Variants in N4BP2 observed in about 807,000 individuals in gnomAD.
N4BP2 encodes NEDD4 binding protein 2, also known as NEDD4-binding protein 2.
Under a neutral mutation model 152.8 loss-of-function variants are expected in N4BP2, and 91 were observed. The ratio of observed to expected loss-of-function variants is 0.60; its 90% CI spans 0.50 to 0.71. N4BP2 has a LOEUF of 0.71. Among genes scored for constraint, N4BP2 ranks in the 30% least tolerant of loss-of-function variants. The probability of loss-of-function intolerance (pLI) is 0.00; values close to 1 mark genes in which losing one functional copy is unlikely to be tolerated. For missense variants in N4BP2, 1,923 were observed against 2,059.1 expected (o/e 0.93, Z 1.28); for synonymous variants, 646 against 705.3 (o/e 0.92, Z 1.33).
intron 2 of N4BP2, among the ~76,000 whole-genome samples, chr4:40,084,097 T>C (rs777476470): frequency 1.0e-3 from 154 of 152,190 alleles, no homozygotes; most frequent in Non-Finnish European, 1.9e-3. Context: ...ATTACAGGCA[T>C]GCGCCACCAC....
intron 2 of N4BP2, among the ~76,000 whole-genome samples, chr4:40,084,632 T>TAA (rs1553919456): frequency 5.1e-4 from 44 of 87,000 alleles, no homozygotes; most frequent in Middle Eastern, 5.8e-3. Flanking sequence ...ATATATATAA[T>TAA]TTTTTTTTTT....
In N4BP2 at chr4:40,121,759, G is replaced by C. The variant is rs777145206; in HGVS notation, c.3648G>C (p.Ser1216=). ...CTGTCACTCCTGAAAACCATGAATC[G>C]ATGACAAGTATATTTCCCAGTGCTG... ...MRAVTPENHE[S]MTSIFPSAAV... is the part of the protein sequence containing the mutation. The change falls in exon 9 of 18, where the codon TCG becomes TCC. Residue 1216 remains serine, a synonymous_variant. Coordinates refer to ENST00000261435, the MANE Select transcript of N4BP2 (RefSeq NM_018177.6). The C allele has an allele frequency of 1.2e-6, 2 of 1,613,658 alleles. No individual in the cohort carries two copies. The highest frequency in any genetic ancestry group is 1.7e-6 in the Non-Finnish European group (2 of 1,179,958).
At chr4:40,076,737 C>G (rs974714321) in intron 2 of N4BP2, among the ~76,000 whole-genome samples, 3 of 152,190 alleles carry the variant, frequency 2.0e-5, no homozygotes, top group African/African-American at 2.4e-5. Context: ...GTCCGCCCGC[C>G]TTGGGCTCCC....
At chr4:40,077,455 CT>C (rs34189324) in intron 2 of N4BP2, among the ~76,000 whole-genome samples, 102,928 of 125,596 alleles carry the variant, frequency 0.82, 41,764 homozygotes, top group East Asian at 0.95. Flanking sequence ...GCCAGAATAT[CT>C]TTTTTTTTTT....
At chr4:40,161,110 C>T (rs1721848055), downstream of N4BP2, among the ~76,000 whole-genome samples, 1 of 152,144 alleles carries the variant, frequency 6.6e-6, no homozygotes, top group Admixed American at 6.5e-5. Context: ...AATAACAGCC[C>T]GAAGTCATAA....
At chr4:40,090,031 G>T (rs978845339) in intron 2 of N4BP2, among the ~76,000 whole-genome samples, 1 of 152,076 alleles carries the variant, frequency 6.6e-6, no homozygotes, top group African/African-American at 2.4e-5. Context: ...TTGAAAAGGT[G>T]GTCTTTTCTC....
chr4:40,127,204 TTC>T (rs1216071952), intron 12 of N4BP2, among the ~76,000 whole-genome samples: 1 of 151,844 alleles, frequency 6.6e-6, no homozygotes, highest in Non-Finnish European at 1.5e-5. Flanking sequence ...CATCTTCTTC[TTC>T]TTTTTTTCTT....
intron 4 of N4BP2, among the ~76,000 whole-genome samples, chr4:40,105,100 C>A (rs576939225): frequency 2.6e-5 from 4 of 152,074 alleles, no homozygotes; most frequent in African/African-American, 4.8e-5. Context: ...CCACGCCCAA[C>A]AATCCTGCGT....
At chr4:40,132,101 C>A (rs1438672886) in intron 13 of N4BP2, among the ~76,000 whole-genome samples, 182 bp downstream of exon 13, 1 of 152,062 alleles carries the variant, frequency 6.6e-6, no homozygotes, top group Non-Finnish European at 1.5e-5. Flanking sequence ...CCTCTATATA[C>A]CCTCTATATA....
intron 2 of N4BP2, among the ~76,000 whole-genome samples, chr4:40,076,050 T>G (rs1578961441): frequency 6.6e-6 from 1 of 152,018 alleles, no homozygotes; most frequent in East Asian, 1.9e-4. Context: ...TGTATTGAAC[T>G]CCTGCGCTTA....
intron 8 of N4BP2, 51 bp downstream of exon 8, chr4:40,118,075 A>G: frequency 7.1e-7 from 1 of 1,412,896 alleles, no homozygotes. Context: ...ATAATTTTTA[A>G]AAGGTATAAT....
At chr4:40,099,568 T>G (rs1398844174) in intron 3 of N4BP2, among the ~76,000 whole-genome samples, 2 of 152,162 alleles carry the variant, frequency 1.3e-5, no homozygotes, top group African/African-American at 4.8e-5. Context: ...AAGATTTTAA[T>G]AGGAATAAAA....
chr4:40,129,200 C>T (rs2110011257), intron 12 of N4BP2, among the ~76,000 whole-genome samples: 1 of 152,038 alleles, frequency 6.6e-6, no homozygotes, highest in East Asian at 1.9e-4. Context: ...AGGTGTGAGT[C>T]ACGATGCCCT....
At chr4:40,169,034 A>G in the N4BP2 span, among the ~76,000 whole-genome samples, 1 of 151,734 alleles carries the variant, frequency 6.6e-6, no homozygotes, top group African/African-American at 2.4e-5. Context: ...CCAAATATAT[A>G]TATTTCTAAA....
intron 2 of N4BP2, among the ~76,000 whole-genome samples, chr4:40,091,188 A>G (rs1714505415): frequency 6.6e-6 from 1 of 152,176 alleles, no homozygotes; most frequent in Middle Eastern, 3.4e-3. Context: ...TAATACATAG[A>G]TAACCATGTT....
At chr4:40,149,902 G>GAAAAAAAAAA (rs534686637) in intron 16 of N4BP2, among the ~76,000 whole-genome samples, 2 of 95,254 alleles carry the variant, frequency 2.1e-5, no homozygotes, top group African/African-American at 4.5e-5. Flanking sequence ...ATCTCAAAAA[G>GAAAAAAAAAA]AAAAAAAAAA....
chr4:40,165,123 G>A, the N4BP2 span, among the ~76,000 whole-genome samples: 3 of 152,190 alleles, frequency 2.0e-5, no homozygotes, highest in South Asian at 4.1e-4. Flanking sequence ...TCATTAGCTA[G>A]AATATCTGAA....
intron 14 of N4BP2, 164 bp from the exon 15 acceptor site, chr4:40,142,509 T>C (rs991740079): frequency 2.4e-5 from 14 of 578,240 alleles, no homozygotes; most frequent in Non-Finnish European, 1.2e-5. Context: ...TGATAGTCGA[T>C]AAATGCCTGA....
chr4:40,163,299 GCC>G, the N4BP2 span, among the ~76,000 whole-genome samples: 1 of 152,170 alleles, frequency 6.6e-6, no homozygotes, highest in Non-Finnish European at 1.5e-5. Context: ...TGCCCACATG[GCC>G]GACATTGTTG....
Sources: allele counts gnomAD v4.1 joint callset (sites outside exome capture counted in the v4.1 genomes callset), GRCh38; gene constraint gnomAD v4.1.1; transcripts MANE v1.5; gene names NCBI Gene and HGNC (gene_info 2026-07-23, HGNC 2026-07-21).